MEIOB: variants seen among roughly 807,000 people sequenced by gnomAD.
MEIOB encodes meiosis-specific with OB domain-containing protein.
Under a neutral mutation model 53.1 loss-of-function variants are expected in MEIOB, and 50 were observed. The ratio of observed to expected loss-of-function variants is 0.94; its 90% CI spans 0.75 to 1.19. The LOEUF is 1.19. MEIOB is among the 50% of genes most tolerant of loss of function. The pLI, the probability that MEIOB is intolerant of heterozygous loss-of-function variation, is 0.00. For missense variants in MEIOB, 551 were observed against 550.8 expected (o/e 1.00, Z 0.00); for synonymous variants, 192 against 182.5 (o/e 1.05, Z -0.42).
At chr16:1,847,578 C>CA (rs998548048) in intron 9 of MEIOB, among the ~76,000 whole-genome samples, 8 of 117,392 alleles carry the variant, frequency 6.8e-5, no homozygotes, top group Admixed American at 3.8e-4. Flanking sequence ...TGAGACCCCC[C>CA]AAAAAAAAGA....
chr16:1,849,170 C>T (rs533413567), intron 9 of MEIOB, among the ~76,000 whole-genome samples: 8 of 152,122 alleles, frequency 5.3e-5, no homozygotes, highest in Admixed American at 2.6e-4. Flanking sequence ...CCTGTAATCC[C>T]AACACTTTGG....
intron 13 of MEIOB, 164 bp downstream of exon 13, chr16:1,837,620 C>T: frequency 1.1e-5 from 5 of 470,856 alleles, no homozygotes; most frequent in South Asian, 4.7e-5. Context: ...ATGAAAAAAC[C>T]CCTGGCTATT....
chr16:1,842,265 G>A (rs1228713980), intron 10 of MEIOB, among the ~76,000 whole-genome samples: 1 of 151,986 alleles, frequency 6.6e-6, no homozygotes, highest in Non-Finnish European at 1.5e-5. Flanking sequence ...AGTCTACAAT[G>A]AGATAAAGGA....
chr16:1,867,152 A>G (rs1010184628), intron 2 of MEIOB, among the ~76,000 whole-genome samples: 1 of 152,184 alleles, frequency 6.6e-6, no homozygotes, highest in African/African-American at 2.4e-5. Context: ...TAGTTTGCAA[A>G]AGCAAAATAT....
intron 9 of MEIOB, among the ~76,000 whole-genome samples, chr16:1,847,959 A>T (rs1313229775): frequency 1.3e-5 from 2 of 151,866 alleles, no homozygotes; most frequent in African/African-American, 4.8e-5. Context: ...TATTATTATT[A>T]TTTTTTGAGA....
chr16:1,837,112 C>G (rs770620223), intron 13 of MEIOB, among the ~76,000 whole-genome samples: 1 of 152,118 alleles, frequency 6.6e-6, no homozygotes, highest in Non-Finnish European at 1.5e-5. Flanking sequence ...AACACAAAGA[C>G]TCGAGGATCC....
At chr16:1,868,428 G>A (rs1899648901) in intron 1 of MEIOB, among the ~76,000 whole-genome samples, 1 of 152,130 alleles carries the variant, frequency 6.6e-6, no homozygotes, top group African/African-American at 2.4e-5. Flanking sequence ...TCAGGAGGCT[G>A]AGGCAGGAAG....
intron 10 of MEIOB, among the ~76,000 whole-genome samples, chr16:1,843,868 A>G (rs1179371437): frequency 1.3e-5 from 2 of 152,164 alleles, no homozygotes; most frequent in African/African-American, 4.8e-5. Flanking sequence ...CCAGGAACTA[A>G]TATTACTTGG....
intron 2 of MEIOB, among the ~76,000 whole-genome samples, chr16:1,867,493 TCAGAAGAG>T (rs1567282666): frequency 2.3e-4 from 30 of 132,180 alleles, no homozygotes; most frequent in African/African-American, 4.0e-4. Flanking sequence ...TTTTTTTTTT[TCAGAAGAG>T]TTTTGCTCTT....
chr16:1,868,289 G>T (rs543813004), intron 1 of MEIOB, 105 bp from the exon 2 acceptor site: 2 of 581,912 alleles, frequency 3.4e-6, no homozygotes. Context: ...GGACATGGTG[G>T]CTCATACCTG....
chr16:1,860,804 T>C (rs368947), intron 4 of MEIOB, among the ~76,000 whole-genome samples: 125,748 of 152,084 alleles, frequency 0.83, 52,125 homozygotes, highest in Middle Eastern at 0.9. Flanking sequence ...AGAGATACCA[T>C]ACATTGTCCT....
chr16:1,845,476 C>T (rs986668488), intron 9 of MEIOB, among the ~76,000 whole-genome samples: 2 of 151,756 alleles, frequency 1.3e-5, no homozygotes, highest in Admixed American at 6.6e-5. Flanking sequence ...ACTGAGATAG[C>T]GCCACTGCAC....
chr16:1,839,527 T>G (rs370110841), intron 11 of MEIOB, 89 bp from the exon 12 acceptor site: 4 of 1,225,928 alleles, frequency 3.3e-6, no homozygotes, highest in Non-Finnish European at 4.5e-6. Context: ...CTAAAAACTC[T>G]ACGACAGTGT....
In MEIOB at chr16:1,868,197, A is replaced by T; in HGVS notation, c.-9-13T>A. 4 of 1,364,358 alleles carry T rather than the reference A, an allele frequency of 2.9e-6. No homozygotes were observed. The highest frequency in any genetic ancestry group is 4.1e-6 in the Non-Finnish European group (4 of 984,530). The allele number at this position is 1,364,358 out of a possible 1,614,324, so 84.5% of individuals were successfully genotyped here. A position where few individuals can be genotyped will look rare whatever the true frequency, so the allele number is the denominator to read the frequency against. On this transcript the variant is annotated splice_polypyrimidine_tract_variant and intron_variant, in intron 1 of 13. Transcript: ENST00000325962. ...CCATTTTTTTAATCTGCATTTTAGA[A>T]AATATAATTTAGATATATAAATTGA... is the stretch of plus-strand genomic sequence containing the variant.
At chr16:1,870,913 T>A (rs1899725354) in intron 1 of MEIOB, among the ~76,000 whole-genome samples, 1 of 152,064 alleles carries the variant, frequency 6.6e-6, no homozygotes, top group African/African-American at 2.4e-5. Flanking sequence ...AGTCAGACAT[T>A]TGACTCAGTG....
intron 12 of MEIOB, chr16:1,838,104 C>G (rs1450746608): frequency 1.5e-6 from 1 of 660,118 alleles, no homozygotes; most frequent in Non-Finnish European, 2.6e-6. Context: ...TCAAGCAATC[C>G]TCCCTCAGCT....
At chr16:1,842,622 T>TTAAAAAAAAAAAAAAAAAAAAAAAAAAA (rs1567273734) in intron 10 of MEIOB, among the ~76,000 whole-genome samples, 1 of 52,878 alleles carries the variant, frequency 1.9e-5, no homozygotes, top group Non-Finnish European at 3.6e-5. Flanking sequence ...AAACTCCATC[T>TTAAAAAAAAAAAAAAAAAAAAAAAAAAA]CAAAAAGACA....
At chr16:1,840,559 T>TG (rs1898878364) in intron 11 of MEIOB, among the ~76,000 whole-genome samples, 2 of 133,458 alleles carry the variant, frequency 1.5e-5, no homozygotes, top group East Asian at 2.0e-4. Flanking sequence ...TTTTTTTTTT[T>TG]TTGAGACACA....
intron 11 of MEIOB, among the ~76,000 whole-genome samples, chr16:1,841,515 G>A (rs1442673517): frequency 6.6e-6 from 1 of 152,016 alleles, no homozygotes; most frequent in Non-Finnish European, 1.5e-5. Context: ...TCACTACATT[G>A]CTATAGGGCC....
Sources: allele counts gnomAD v4.1 joint callset (sites outside exome capture counted in the v4.1 genomes callset), GRCh38; gene constraint gnomAD v4.1.1; transcripts MANE v1.5; gene names NCBI Gene and HGNC (gene_info 2026-07-23, HGNC 2026-07-21).